Variants in LRRC49 observed in about 807,000 individuals in gnomAD.
LRRC49 encodes leucine-rich repeat-containing protein 49.
A neutral mutation model predicts 83.3 loss-of-function variants in LRRC49; 50 were observed. That is an observed-to-expected ratio of 0.60 (90% CI 0.48 to 0.76). The LOEUF is 0.76. Ranked by LOEUF, LRRC49 falls within the 30% of genes least tolerant of loss-of-function variation. The probability of loss-of-function intolerance (pLI) is 0.00; values close to 1 mark genes in which losing one functional copy is unlikely to be tolerated. For synonymous variants in LRRC49, 286 were observed against 283.3 expected (o/e 1.01, Z -0.10); for missense variants, 704 against 809.1 (o/e 0.87, Z 1.58).
intron 8 of LRRC49, among the ~76,000 whole-genome samples, chr15:70,938,368 G>T (rs2035677596): frequency 6.6e-6 from 1 of 152,210 alleles, no homozygotes; most frequent in South Asian, 2.1e-4. Flanking sequence ...AATAAAGATA[G>T]AAGTCAGCTG....
chr15:70,892,288 T>C (rs1300756444), upstream of LRRC49: 1 of 1,554,004 alleles, frequency 6.4e-7, no homozygotes, highest in Non-Finnish European at 8.7e-7. Context: ...CCGTCTTCGG[T>C]GCGCGGGAGC....
Position 71,049,926 on chromosome 15 carries a change from A to G in LRRC49, c.*314A>G, listed in dbSNP as rs749433056. On this transcript the variant is annotated 3_prime_UTR_variant, in exon 16 of 16. Transcript: ENST00000260382. ...CCTGCTATAGCCCAAAGCACGTAGT[A>G]TTTGCTGATGATTCAGCATGAGCTG... The G allele has an allele frequency of 4.6e-6, 1 of 216,442 alleles. No individual in the cohort carries two copies. The highest frequency in any genetic ancestry group is 9.0e-6 in the Non-Finnish European group (1 of 111,220). 13.4% of individuals were successfully genotyped at this position (216,442 alleles called of 1,614,324 possible).
At chr15:71,024,635 C>T (rs930068753) in intron 14 of LRRC49, among the ~76,000 whole-genome samples, 5 of 151,950 alleles carry the variant, frequency 3.3e-5, no homozygotes, top group South Asian at 2.1e-4. Context: ...GATAAATTAA[C>T]TCACGAAGAT....
At chr15:70,973,488 T>C (rs2037089275) in intron 9 of LRRC49, among the ~76,000 whole-genome samples, 1 of 152,166 alleles carries the variant, frequency 6.6e-6, no homozygotes, top group African/African-American at 2.4e-5. Context: ...AGGCAGTCTG[T>C]CCCTTAGCAG....
At chr15:70,902,050 A>G (rs892620282) in intron 4 of LRRC49, among the ~76,000 whole-genome samples, 2 of 152,220 alleles carry the variant, frequency 1.3e-5, no homozygotes, top group African/African-American at 2.4e-5. Flanking sequence ...AGGTTCTAAC[A>G]TGTTCTTTTG....
intron 11 of LRRC49, among the ~76,000 whole-genome samples, chr15:70,996,089 CT>C (rs2038066534): frequency 6.6e-6 from 1 of 151,858 alleles, no homozygotes; most frequent in Non-Finnish European, 1.5e-5. Flanking sequence ...CTATTACATT[CT>C]CTTAGTTTGA....
At chr15:71,004,757 G>A (rs1444073289) in intron 11 of LRRC49, among the ~76,000 whole-genome samples, 1 of 152,070 alleles carries the variant, frequency 6.6e-6, no homozygotes, top group Non-Finnish European at 1.5e-5. Flanking sequence ...GGACATGGAT[G>A]GAGCTGGAGG....
chr15:71,026,719 G>C (rs984169884), intron 14 of LRRC49, among the ~76,000 whole-genome samples: 1 of 152,056 alleles, frequency 6.6e-6, no homozygotes, highest in Non-Finnish European at 1.5e-5. Context: ...TCATGTGTTT[G>C]TTGGCCACAT....
At position 70,881,818 on chromosome 15, in the gene LRRC49, TTAA is replaced by T. The variant is rs1344842951; in HGVS notation, c.18+8599_18+8601del. On this transcript the variant is annotated intron_variant, in intron 2 of 16. Coordinates refer to the LRRC49 transcript ENST00000544974. ...TAAGCACTGATGCAAACAGATTTCATTAATAAGTTAATGTAAGTATATGAAAAC... is the reference window on the plus strand; with the variant it reads ...TAAGCACTGATGCAAACAGATTTCATTAAGTTAATGTAAGTATATGAAAAC... 2.0e-5 allele frequency: 3 copies of T among 152,362 alleles called. No homozygotes were observed. In the East Asian group the frequency reaches 5.8e-4, roughly 29 times the overall value. The allele number at this position is 152,362 out of a possible 1,614,324, so 9.4% of individuals were successfully genotyped here.
chr15:70,923,968 G>GC (rs2035099962), intron 7 of LRRC49, among the ~76,000 whole-genome samples: 1 of 151,716 alleles, frequency 6.6e-6, no homozygotes, highest in South Asian at 2.1e-4. Context: ...TTGATATGAT[G>GC]CCATTTATCT....
intron 11 of LRRC49, among the ~76,000 whole-genome samples, chr15:70,994,122 CA>C (rs1353730223): frequency 6.6e-6 from 1 of 152,204 alleles, no homozygotes; most frequent in African/African-American, 2.4e-5. Context: ...GCTAGGATTA[CA>C]GGCTTGAGCC....
chr15:70,911,669 A>G (rs1261887730), intron 6 of LRRC49, 71 bp downstream of exon 6: 1 of 895,882 alleles, frequency 1.1e-6, no homozygotes, highest in East Asian at 2.6e-5. Context: ...AAGTTTTAAG[A>G]ATCATACTCG....
At chr15:70,926,328 C>G (rs1020441812) in intron 7 of LRRC49, among the ~76,000 whole-genome samples, 1 of 152,114 alleles carries the variant, frequency 6.6e-6, no homozygotes, top group African/African-American at 2.4e-5. Flanking sequence ...ATCCTCCTGC[C>G]TCAGTCTCCC....
At chr15:70,931,413 T>C (rs531084687) in intron 7 of LRRC49, among the ~76,000 whole-genome samples, 2 of 152,156 alleles carry the variant, frequency 1.3e-5, no homozygotes, top group Admixed American at 6.5e-5. Context: ...TCATAACAAA[T>C]ATAATAATAA....
chr15:70,966,066 T>C (rs1462878297), intron 9 of LRRC49, among the ~76,000 whole-genome samples: 1 of 152,174 alleles, frequency 6.6e-6, no homozygotes, highest in Non-Finnish European at 1.5e-5. Flanking sequence ...CTATGGATAC[T>C]ATGTGGCCTA....
intron 7 of LRRC49, among the ~76,000 whole-genome samples, chr15:70,931,781 T>C (rs980428852): frequency 3.3e-5 from 5 of 152,184 alleles, no homozygotes; most frequent in African/African-American, 1.2e-4. Flanking sequence ...TAGTTTGGAA[T>C]AGTCAGGATG....
At chr15:70,985,951 GT>G (rs2037598432) in intron 11 of LRRC49, among the ~76,000 whole-genome samples, 1 of 141,662 alleles carries the variant, frequency 7.1e-6, no homozygotes. Flanking sequence ...GATATGCGGC[GT>G]TATTTCTGAG....
At chr15:71,014,818 A>T (rs1016084640) in intron 14 of LRRC49, among the ~76,000 whole-genome samples, 2 of 152,210 alleles carry the variant, frequency 1.3e-5, no homozygotes, top group Non-Finnish European at 2.9e-5. Flanking sequence ...CATAAATCAG[A>T]TCAAATCAAC....
At chr15:70,866,068 C>T (rs2032903283) in intron 1 of LRRC49, among the ~76,000 whole-genome samples, 1 of 152,004 alleles carries the variant, frequency 6.6e-6, no homozygotes, top group Non-Finnish European at 1.5e-5. Flanking sequence ...ATATCTTTCT[C>T]ATTACTCTAA....
Sources: gnomAD v4.1 joint callset for allele counts (sites outside exome capture counted in the v4.1 genomes callset) on GRCh38, gnomAD v4.1.1 for gene constraint, MANE v1.5 for transcripts, NCBI Gene and HGNC (gene_info 2026-07-23, HGNC 2026-07-21) for gene names.